The following MFAP5 variants were observed in gnomAD, a reference collection of about 807,000 sequenced individuals.
MFAP5 encodes the protein microfibril associated protein 5.
A neutral mutation model predicts 30.1 loss-of-function variants in MFAP5; 19 were observed. The observed-to-expected ratio is 0.63, with a 90% CI of 0.44 to 0.93. MFAP5 has a LOEUF of 0.93. MFAP5 is among the 40% of genes least tolerant of loss of function. The pLI is 0.00. For missense variants in MFAP5, 210 were observed against 221.3 expected, an observed-to-expected ratio of 0.95 and a Z score of 0.32; for synonymous variants, 92 against 72.9, an observed-to-expected ratio of 1.26 and a Z score of -1.33.
chr12:8,658,124 G>GT (rs1465289041), intron 3 of MFAP5, among the ~76,000 whole-genome samples: 1 of 152,198 alleles, frequency 6.6e-6, no homozygotes, highest in African/African-American at 2.4e-5. Flanking sequence ...CAAGGCATGC[G>GT]TATCACTTGA....
chr12:8,659,714 C>T (rs1305706151), intron 3 of MFAP5, among the ~76,000 whole-genome samples: 1 of 152,116 alleles, frequency 6.6e-6, no homozygotes, highest in East Asian at 1.9e-4. Flanking sequence ...CCAGGACCCA[C>T]TGCAAGAAAA....
At position 8,660,999 on chromosome 12, in the gene MFAP5, T is replaced by A. The variant is rs12809190; in HGVS notation, c.59-101A>T. ...GAAAATCATGGAGAAATGGTTATAC[T>A]TTATCTTTGTGACTTATTCCTATAT... On this transcript the variant is annotated intron_variant, in intron 2 of 9. Coordinates refer to ENST00000359478, the MANE Select transcript of MFAP5 (RefSeq NM_003480.4). The A allele has an allele frequency of 0.067, 67,260 of 1,004,484 alleles. 2,747 individuals are homozygous for A. The highest frequency in any genetic ancestry group is 0.073 in the Middle Eastern group (333 of 4,590). The allele number at this position is 1,004,484 out of a possible 1,614,324, so 62.2% of individuals were successfully genotyped here.
chr12:8,661,170 C>T (rs183403977), intron 2 of MFAP5, among the ~76,000 whole-genome samples: 3 of 152,292 alleles, frequency 2.0e-5, no homozygotes, highest in African/African-American at 7.2e-5. Flanking sequence ...CAAAGCCCTG[C>T]TGCCCTCTTA....
chr12:8,655,287 AAAAC>A, intron 5 of MFAP5, 124 bp downstream of exon 5: 1 of 1,004,132 alleles, frequency 1.0e-6, no homozygotes, highest in South Asian at 1.8e-5. Context: ...CTCCCTCTCA[AAAAC>A]AAACAACAAT....
chr12:8,651,906 T>C, intron 6 of MFAP5: 2 of 544,642 alleles, frequency 3.7e-6, no homozygotes, highest in Non-Finnish European at 3.3e-6. Flanking sequence ...TTTTTTTCCT[T>C]TCTCCTTTCC....
At position 8,662,100 on chromosome 12, in the gene MFAP5, G is replaced by A. The variant is rs753275305; in HGVS notation, c.5C>T (p.Ser2Leu). 11 of 1,613,316 alleles carry A rather than the reference G, an allele frequency of 6.8e-6. No homozygotes were observed. The highest frequency in any genetic ancestry group is 6.6e-5 in the South Asian group (6 of 90,948). Residue 2 changes from serine (S) to leucine (L), a missense_variant, in exon 2 of 10, where the codon TCG becomes TTG. Physicochemically the swap from Ser to Leu is moderately radical, Grantham distance 145. Transcript: ENST00000359478. The stretch of plus-strand genomic sequence containing the variant: ...CAGCAGCACCTTGGGTCCCAAGAGC[G>A]ACATATCTATAGGGGTGGTGGGCAT... M[S>L]LLGPKVLLFL...
intron 8 of MFAP5, 190 bp downstream of exon 8, chr12:8,650,312 G>A: frequency 1.7e-6 from 1 of 582,954 alleles, no homozygotes; most frequent in Non-Finnish European, 3.1e-6. Flanking sequence ...CTATTACTCT[G>A]CCTGTTCTTT....
intron 4 of MFAP5, among the ~76,000 whole-genome samples, 161 bp from the exon 5 acceptor site, chr12:8,655,608 AGAGT>A (rs1941960383): frequency 6.6e-6 from 1 of 152,220 alleles, no homozygotes; most frequent in Admixed American, 6.5e-5. Context: ...AATGGAAGAG[AGAGT>A]AAGACTGGGC....
intron 4 of MFAP5, 126 bp downstream of exon 4, chr12:8,655,660 A>G: frequency 8.7e-7 from 1 of 1,146,706 alleles, no homozygotes; most frequent in Non-Finnish European, 1.2e-6. Context: ...GTGACAACAG[A>G]ACTCTGCATG....
rs1942169604 is a variant in MFAP5, at chr12:8,662,105, A to G, written c.-1T>C. 6.2e-7 allele frequency: 1 copy of G among 1,613,352 alleles called. No individual in the cohort carries two copies. The highest frequency in any genetic ancestry group is 1.3e-5 in the African/African-American group (1 of 75,030). On this transcript the variant is annotated splice_region_variant and 5_prime_UTR_variant, in exon 2 of 10. Coordinates refer to ENST00000359478, the MANE Select transcript of MFAP5 (RefSeq NM_003480.4). ...GCACCTTGGGTCCCAAGAGCGACAT[A>G]TCTATAGGGGTGGTGGGCATAGCAG... is the stretch of plus-strand genomic sequence containing the variant.
At chr12:8,650,635 A>G in intron 7 of MFAP5, 46 bp from the exon 8 acceptor site, 1 of 1,514,788 alleles carries the variant, frequency 6.6e-7, no homozygotes, top group Non-Finnish European at 9.2e-7. Flanking sequence ...AAATAGAAGC[A>G]GCATAAATGA....
Position 8,648,076 on chromosome 12 carries a change from C to A in MFAP5, c.*15G>T, listed in dbSNP as rs1177209717. The stretch of plus-strand genomic sequence containing the variant: ...CTCACCCATACATTTTTTCTTCTTT[C>A]CTCTTTTTCAATGATCACAGACCAT... On this transcript the variant is annotated 3_prime_UTR_variant, in exon 10 of 10. Transcript: ENST00000359478. 1 of 1,591,038 alleles carries A rather than the reference C, an allele frequency of 6.3e-7. No individual in the cohort carries two copies. Among genetic ancestry groups the A allele is most frequent in the South Asian group, 1.1e-5 (1 of 89,910 alleles).
intron 3 of MFAP5, among the ~76,000 whole-genome samples, chr12:8,660,191 AT>A (rs36061194): frequency 0.11 from 15,910 of 138,556 alleles, 984 homozygotes; most frequent in African/African-American, 0.19. Context: ...TTTTTTTCTA[AT>A]TTTTTTTTTT....
At chr12:8,654,940 C>CAA (rs34739708) in intron 5 of MFAP5, among the ~76,000 whole-genome samples, 69 of 114,652 alleles carry the variant, frequency 6.0e-4, no homozygotes, top group African/African-American at 7.4e-4. Context: ...GACTCTGTCT[C>CAA]AAAAAAAAAA....
At chr12:8,662,202 T>C (rs933851025) in intron 1 of MFAP5, 96 bp from the exon 2 acceptor site, 33 of 997,728 alleles carry the variant, frequency 3.3e-5, no homozygotes, top group Non-Finnish European at 4.3e-5. Flanking sequence ...CCTGTCTCTT[T>C]GTCTTCCCAG....
At chr12:8,654,153 C>G (rs1055465187) in intron 6 of MFAP5, 1 of 283,234 alleles carries the variant, frequency 3.5e-6, no homozygotes, top group Non-Finnish European at 6.5e-6. Flanking sequence ...AAAATTCAGT[C>G]AAAGCATTAC....
At chr12:8,650,384 TG>T in intron 8 of MFAP5, 117 bp downstream of exon 8, 1 of 851,976 alleles carries the variant, frequency 1.2e-6, no homozygotes. Flanking sequence ...AGGAGGGTTG[TG>T]CTAAAAACTT....
At chr12:8,657,566 C>CT (rs35916052) in intron 3 of MFAP5, among the ~76,000 whole-genome samples, 2,810 of 128,118 alleles carry the variant, frequency 0.022, 93 homozygotes, top group African/African-American at 0.035. Flanking sequence ...TTTGCTTTGA[C>CT]TTTTTTTTTT....
intron 4 of MFAP5, 22 bp from the exon 5 acceptor site, chr12:8,655,469 A>T (rs1941955535): frequency 5.6e-6 from 9 of 1,604,220 alleles, no homozygotes; most frequent in Middle Eastern, 1.7e-4. Flanking sequence ...CATAACAAGG[A>T]ATGAAAAAAT....
Sources: allele counts gnomAD v4.1 joint callset (sites outside exome capture counted in the v4.1 genomes callset), GRCh38; gene constraint gnomAD v4.1.1; transcripts MANE v1.5; gene names NCBI Gene and HGNC (gene_info 2026-07-23, HGNC 2026-07-21).